Variants in HS3ST3B1 observed in about 807,000 individuals in gnomAD.
HS3ST3B1 encodes heparan sulfate glucosamine 3-O-sulfotransferase 3B1.
Under a neutral mutation model 21.3 loss-of-function variants are expected in HS3ST3B1, and 13 were observed. The observed-to-expected ratio is 0.61, with a 90% confidence interval of 0.40 to 0.97. The LOEUF (loss-of-function observed/expected upper bound fraction) is 0.97. Ranked by LOEUF, HS3ST3B1 falls within the 50% of genes least tolerant of loss-of-function variation. The pLI is 0.00. For missense variants in HS3ST3B1, 459 were observed against 554.8 expected (o/e 0.83, Z 1.73); for synonymous variants, 234 against 254.8 (o/e 0.92, Z 0.78).
At chr17:14,343,209 T>C (rs374067294) in intron 1 of HS3ST3B1, among the ~76,000 whole-genome samples, 1 of 149,400 alleles carries the variant, frequency 6.7e-6, no homozygotes, top group Non-Finnish European at 1.5e-5. Context: ...ACCACTGCAC[T>C]CCAGCCTGGG....
In HS3ST3B1 at chr17:14,346,107, A is replaced by G. The variant is rs143800784; in HGVS notation, c.*461A>G. On this transcript the variant is annotated 3_prime_UTR_variant, in exon 2 of 2. Transcript: ENST00000360954. Reference sequence around the variant, plus strand: ...GTATTCTGAAGGGCAGGCCTCATGCAGCAGCCTCCTTGCAGATGTGGTGTC... The same window carrying G: ...GTATTCTGAAGGGCAGGCCTCATGCGGCAGCCTCCTTGCAGATGTGGTGTC... The G allele has an allele frequency of 5.5e-4, 92 of 166,258 alleles. 1 individual carries two copies. In the East Asian group the frequency reaches 0.015, roughly 27 times the overall value. 10.3% of individuals were successfully genotyped at this position (166,258 alleles called of 1,614,324 possible).
rs1457963437 is a variant in HS3ST3B1, at chr17:14,326,743, AC to A, written c.555-18281del. Among the ~76,000 whole-genome samples, 8 of 151,804 alleles carry A rather than the reference AC, an allele frequency of 5.3e-5. No individual in the cohort carries two copies. The East Asian group carries it at 1.6e-3, about 30-fold the overall frequency. On this transcript the variant is annotated intron_variant, in intron 1 of 1. Coordinates refer to ENST00000360954, the MANE Select transcript of HS3ST3B1 (RefSeq NM_006041.3). ...AGACCAGCCTGGCCAACATGATGAA[AC>A]CCCATCTCTACTACAAATACAAAAA...
intron 1 of HS3ST3B1, among the ~76,000 whole-genome samples, chr17:14,317,255 C>A (rs545422103): frequency 2.0e-5 from 3 of 152,192 alleles, no homozygotes; most frequent in Non-Finnish European, 4.4e-5. Flanking sequence ...AGCCTTATTG[C>A]CAGTGTATGA....
intron 1 of HS3ST3B1, among the ~76,000 whole-genome samples, chr17:14,336,128 C>G (rs1910180101): frequency 6.6e-6 from 1 of 152,186 alleles, no homozygotes; most frequent in South Asian, 2.1e-4. Context: ...CCTCAATTGA[C>G]TTGGAAGACT....
At chr17:14,339,464 A>G (rs567459517) in intron 1 of HS3ST3B1, among the ~76,000 whole-genome samples, 37 of 152,264 alleles carry the variant, frequency 2.4e-4, no homozygotes, top group African/African-American at 8.2e-4. Flanking sequence ...GAAGAAGCAA[A>G]GGAGGGTTAA....
rs1295227162 is a variant in HS3ST3B1 at position 14,348,447 on chromosome 17, T to C, written c.*2801T>C. 7 of 152,180 alleles carry C rather than the reference T, an allele frequency of 4.6e-5. No homozygotes were observed. The South Asian group carries it at 1.2e-3, about 27-fold the overall frequency. The allele number at this position is 152,180 out of a possible 1,614,324, so 9.4% of individuals were successfully genotyped here. ...ATAAGGGTCTGCAAGGGTCTGATGGTTTAAAGTTCCTAACAGATCTGGTTG... is the reference window on the plus strand; with the variant it reads ...ATAAGGGTCTGCAAGGGTCTGATGGCTTAAAGTTCCTAACAGATCTGGTTG... On this transcript the variant is annotated 3_prime_UTR_variant, in exon 2 of 2. Coordinates refer to ENST00000360954, the MANE Select transcript of HS3ST3B1 (RefSeq NM_006041.3).
chr17:14,306,269 GTTAGAA>G (rs1364765106), intron 1 of HS3ST3B1, among the ~76,000 whole-genome samples: 2 of 152,186 alleles, frequency 1.3e-5, no homozygotes, highest in Non-Finnish European at 2.9e-5. Flanking sequence ...GCAAAGGACA[GTTAGAA>G]TCAAGGGAGT....
At chr17:14,302,669 GGGCGGGTGGCCCGGCGCCTCCGCCT>G (rs900409570) in intron 1 of HS3ST3B1, among the ~76,000 whole-genome samples, 1 of 152,062 alleles carries the variant, frequency 6.6e-6, no homozygotes, top group African/African-American at 2.4e-5. Context: ...AGGGTGAGCC[GGGCGGGTGGCCCGGCGCCTCCGCCT>G]GGCGGGCGGG....
chr17:14,333,419 C>T (rs1910083036), intron 1 of HS3ST3B1, among the ~76,000 whole-genome samples: 1 of 150,756 alleles, frequency 6.6e-6, no homozygotes, highest in Non-Finnish European at 1.5e-5. Flanking sequence ...AGTGAGCTGA[C>T]ATGGCACCAC....
chr17:14,312,310 G>C (rs932375774), intron 1 of HS3ST3B1, among the ~76,000 whole-genome samples: 1 of 152,110 alleles, frequency 6.6e-6, no homozygotes, highest in Non-Finnish European at 1.5e-5. Flanking sequence ...AGAAGGGAAC[G>C]ACTCCCTGAG....
At chr17:14,319,017 G>A (rs1909580079) in intron 1 of HS3ST3B1, among the ~76,000 whole-genome samples, 1 of 152,192 alleles carries the variant, frequency 6.6e-6, no homozygotes, top group Non-Finnish European at 1.5e-5. Context: ...AAGCACATCA[G>A]TGAGGGCTGT....
intron 1 of HS3ST3B1, among the ~76,000 whole-genome samples, chr17:14,317,673 G>A (rs931405703): frequency 6.6e-5 from 10 of 152,210 alleles, no homozygotes; most frequent in East Asian, 5.8e-4. Context: ...TGGGCAAAAC[G>A]GTGAAACAGT....
At chr17:14,321,835 A>C (rs761863581) in intron 1 of HS3ST3B1, among the ~76,000 whole-genome samples, 5 of 152,204 alleles carry the variant, frequency 3.3e-5, no homozygotes, top group African/African-American at 4.8e-5. Context: ...GACTGAGTGA[A>C]AAATGAACTC....
chr17:14,304,501 G>T (rs1909064966), intron 1 of HS3ST3B1: 1 of 152,250 alleles, frequency 6.6e-6, no homozygotes, highest in Non-Finnish European at 1.5e-5. Flanking sequence ...AGGTATGGAC[G>T]TCACAATTAT....
intron 1 of HS3ST3B1, among the ~76,000 whole-genome samples, chr17:14,326,944 A>AAAAAG (rs1909838372): frequency 6.8e-6 from 1 of 148,022 alleles, no homozygotes; most frequent in East Asian, 2.0e-4. Context: ...AAAAAAAAAA[A>AAAAAG]AAGAAGAAGA....
chr17:14,315,758 T>C (rs1266764192), intron 1 of HS3ST3B1, among the ~76,000 whole-genome samples: 1 of 150,218 alleles, frequency 6.7e-6, no homozygotes, highest in Non-Finnish European at 1.5e-5. Flanking sequence ...GAGGCAGAGG[T>C]TGTAGTGAGC....
Position 14,301,675 on chromosome 17 carries a change from G to T in HS3ST3B1, c.157G>T (p.Gly53Cys). The T allele has an allele frequency of 2.5e-6, 4 of 1,601,978 alleles. No individual in the cohort carries two copies. Among genetic ancestry groups the T allele is most frequent in the Non-Finnish European group, 3.4e-6 (4 of 1,176,260 alleles). ...CTATATGTTCCTGTACTCGTGCGCC[G>T]GCTCCTGCGCCGCCGCGCCGGGGCT... is the stretch of plus-strand genomic sequence containing the variant. Reference protein sequence around the residue: ...WLYMFLYSCAGSCAAAPGLLL... With the variant: ...WLYMFLYSCACSCAAAPGLLL... Residue 53 changes from glycine to cysteine, a missense_variant, in exon 1 of 2, where the codon GGC (glycine) becomes TGC (cysteine). This residue lies in a region of HS3ST3B1 where 317 missense variants were observed against 278.6 expected (regional missense o/e 1.14). Coordinates refer to ENST00000360954, the MANE Select transcript of HS3ST3B1 (RefSeq NM_006041.3).
At position 14,302,045 on chromosome 17, in the gene HS3ST3B1, G is replaced by A. The variant is rs1314638563; in HGVS notation, c.527G>A (p.Ser176Asn). 1 of 1,605,718 alleles carries A rather than the reference G, an allele frequency of 6.2e-7. No individual in the cohort carries two copies. The highest frequency in any genetic ancestry group is 2.2e-5 in the East Asian group (1 of 44,818). ...VGAEPHFFDRSYDKGLAWYRD... is the reference protein window; with the variant it reads ...VGAEPHFFDRNYDKGLAWYRD... ...GCCGAGCCCCATTTCTTCGATCGCA[G>A]CTACGACAAGGGCCTCGCTTGGTAC... Residue 176 changes from serine (S) to asparagine (N), a missense_variant, in exon 1 of 2, where the codon AGC (serine) becomes AAC (asparagine). By Grantham distance (46) the Ser-to-Asn change is conservative (BLOSUM62 1). This residue lies in a region of HS3ST3B1 where 317 missense variants were observed against 278.6 expected (regional missense o/e 1.14). Transcript: ENST00000360954.
chr17:14,322,901 T>A (rs1483887820), intron 1 of HS3ST3B1, among the ~76,000 whole-genome samples: 3,163 of 124,218 alleles, frequency 0.025, 38 homozygotes, highest in South Asian at 0.04. Context: ...TCTATGTCTT[T>A]TTTTTTTTTT....
Sources: allele counts gnomAD v4.1 joint callset (sites outside exome capture counted in the v4.1 genomes callset), GRCh38; gene constraint gnomAD v4.1.1; regional missense constraint gnomAD v4.1.1; transcripts MANE v1.5; gene names NCBI Gene and HGNC (gene_info 2026-07-23, HGNC 2026-07-21).